FAM228B: variants seen among roughly 807,000 people sequenced by gnomAD.
The protein encoded by FAM228B is family with sequence similarity 228 member B, also known as protein FAM228B.
FAM228B carries 38 observed loss-of-function variants against 42.6 expected under a neutral mutation model. The ratio of observed to expected loss-of-function variants is 0.89; its 90% CI spans 0.69 to 1.17. The LOEUF (loss-of-function observed/expected upper bound fraction) is 1.17. Among genes scored for constraint, FAM228B ranks in the 50% most tolerant of loss-of-function variants. The pLI is 0.00. For missense variants in FAM228B, 344 were observed against 367.3 expected (o/e 0.94, Z 0.52); for synonymous variants, 109 against 122.3 (o/e 0.89, Z 0.72).
At chr2:24,100,960 G>T (rs906222798) in intron 3 of FAM228B, among the ~76,000 whole-genome samples, 1 of 152,174 alleles carries the variant, frequency 6.6e-6, no homozygotes, top group Non-Finnish European at 1.5e-5. Flanking sequence ...CATGTCCTTT[G>T]CAGGGACATG....
intron 2 of FAM228B, among the ~76,000 whole-genome samples, chr2:24,094,295 C>T (rs2150993113): frequency 6.6e-6 from 1 of 152,164 alleles, no homozygotes; most frequent in East Asian, 1.9e-4. Flanking sequence ...TGGTCTTCAA[C>T]TCCTGGGCTT....
At chr2:24,157,670 A>G (rs2151029012) in intron 7 of FAM228B, among the ~76,000 whole-genome samples, 1 of 151,272 alleles carries the variant, frequency 6.6e-6, no homozygotes, top group South Asian at 2.1e-4. Context: ...CCTGGGAGGC[A>G]GAAGTTGCAG....
intron 2 of FAM228B, among the ~76,000 whole-genome samples, chr2:24,093,161 T>G (rs1159248099): frequency 1.3e-5 from 2 of 152,224 alleles, no homozygotes; most frequent in Non-Finnish European, 2.9e-5. Context: ...TACTTTAAGT[T>G]CTGGGATACA....
intron 3 of FAM228B, chr2:24,115,632 GTTA>G (rs766749870): frequency 2.5e-6 from 4 of 1,611,118 alleles, no homozygotes; most frequent in Non-Finnish European, 2.5e-6. Context: ...ACACAGCATG[GTTA>G]TTATTTATGA....
At chr2:24,144,435 A>G (rs560776689) in intron 5 of FAM228B, among the ~76,000 whole-genome samples, 18 of 152,338 alleles carry the variant, frequency 1.2e-4, no homozygotes, top group African/African-American at 3.4e-4. Context: ...GAGAGCTTCA[A>G]GATGACTGGC....
At chr2:24,082,023 C>T (rs1279858342) in intron 2 of FAM228B, among the ~76,000 whole-genome samples, 1 of 152,056 alleles carries the variant, frequency 6.6e-6, no homozygotes, top group Non-Finnish European at 1.5e-5. Flanking sequence ...GAGACAGAGT[C>T]TCACTCTACT....
chr2:24,110,993 C>A (rs1665782782), intron 3 of FAM228B, among the ~76,000 whole-genome samples: 1 of 152,096 alleles, frequency 6.6e-6, no homozygotes, highest in South Asian at 2.1e-4. Context: ...ATTGTTTGCT[C>A]ATAAACCCTC....
upstream of FAM228B, among the ~76,000 whole-genome samples, chr2:24,119,976 C>A (rs962193951): frequency 6.6e-6 from 1 of 152,044 alleles, no homozygotes; most frequent in Non-Finnish European, 1.5e-5. Context: ...CCAATTAGAA[C>A]AACTGATGTA....
chr2:24,154,219 T>C (rs748327535), intron 7 of FAM228B, among the ~76,000 whole-genome samples: 2 of 152,270 alleles, frequency 1.3e-5, no homozygotes, highest in African/African-American at 4.8e-5. Context: ...TGTGTGCAGA[T>C]AGATGTTCAA....
chr2:24,150,509 C>T (rs377748483), intron 7 of FAM228B, among the ~76,000 whole-genome samples: 2 of 152,156 alleles, frequency 1.3e-5, no homozygotes, highest in East Asian at 3.8e-4. Context: ...ACTGCAACCT[C>T]TGCCTCCCAG....
At chr2:24,130,981 G>A (rs1666440312) in intron 2 of FAM228B, among the ~76,000 whole-genome samples, 1 of 152,198 alleles carries the variant, frequency 6.6e-6, no homozygotes, top group Non-Finnish European at 1.5e-5. Context: ...ACAGTGTAAG[G>A]AAAGGGTCCA....
chr2:24,126,818 G>A (rs1048993115), intron 2 of FAM228B, among the ~76,000 whole-genome samples: 1 of 149,592 alleles, frequency 6.7e-6, no homozygotes, highest in South Asian at 2.1e-4. Flanking sequence ...GTAGAGAGGG[G>A]TTTCACCACG....
intron 2 of FAM228B, among the ~76,000 whole-genome samples, chr2:24,087,035 T>TA (rs1056976748): frequency 6.6e-6 from 1 of 152,036 alleles, no homozygotes; most frequent in Admixed American, 6.6e-5. Context: ...GGAGTAACTT[T>TA]AAAAAAAATC....
At chr2:24,113,008 A>T (rs202236966) in intron 3 of FAM228B, among the ~76,000 whole-genome samples, 18,080 of 152,142 alleles carry the variant, frequency 0.12, 1,242 homozygotes, top group South Asian at 0.18. Flanking sequence ...AGTCTTCAGG[A>T]CTGTGCTCTG....
At chr2:24,082,294 C>G (rs1240883576) in intron 2 of FAM228B, among the ~76,000 whole-genome samples, 1 of 152,190 alleles carries the variant, frequency 6.6e-6, no homozygotes, top group Non-Finnish European at 1.5e-5. Flanking sequence ...GATACTCTTT[C>G]TTAGGCCACC....
chr2:24,130,089 T>C (rs960445245), intron 2 of FAM228B, among the ~76,000 whole-genome samples: 1 of 152,358 alleles, frequency 6.6e-6, no homozygotes, highest in South Asian at 2.1e-4. Flanking sequence ...CTGTGTTAGT[T>C]TGCTGAGTAT....
chr2:24,154,127 C>CA (rs35489522), intron 7 of FAM228B, among the ~76,000 whole-genome samples: 130,461 of 151,992 alleles, frequency 0.86, 57,472 homozygotes, highest in Non-Finnish European at 0.95. Flanking sequence ...CTGCTCTCCT[C>CA]ATGCCTCTTT....
rs1009911137 is a variant in FAM228B, at chr2:24,136,722, GA to G, written c.169-1179del. Reference sequence around the variant, plus strand: ...CTCCCACTTTGGGAGTCTTGGCTTTGAAAAAAAATTAATCATTTTTTTCAGT... The same window carrying G: ...CTCCCACTTTGGGAGTCTTGGCTTTGAAAAAAATTAATCATTTTTTTCAGT... On this transcript the variant is annotated intron_variant, in intron 3 of 10. Transcript: ENST00000615575. 5.3e-5 allele frequency among the ~76,000 whole-genome samples: 8 copies of G among 151,936 alleles called. No homozygotes were observed. In the South Asian group the frequency reaches 1.0e-3, roughly 20 times the overall value.
chr2:24,156,999 C>A (rs1169965029), intron 7 of FAM228B, among the ~76,000 whole-genome samples: 1 of 152,114 alleles, frequency 6.6e-6, no homozygotes, highest in African/African-American at 2.4e-5. Flanking sequence ...TTCTGCTGTA[C>A]CCCAGAGGTT....
Sources: allele counts gnomAD v4.1 joint callset (sites outside exome capture counted in the v4.1 genomes callset), GRCh38; gene constraint gnomAD v4.1.1; transcripts MANE v1.5; gene names NCBI Gene and HGNC (gene_info 2026-07-23, HGNC 2026-07-21).